ITPR2: variants seen among roughly 807,000 people sequenced by gnomAD.
The protein encoded by ITPR2 is inositol 1,4,5-trisphosphate-gated calcium channel ITPR2.
A neutral mutation model predicts 317.1 loss-of-function variants in ITPR2; 207 were observed. The observed-to-expected ratio is 0.65, with a 90% CI of 0.58 to 0.73. ITPR2 has a LOEUF of 0.73. Ranked by LOEUF, ITPR2 falls within the 30% of genes least tolerant of loss-of-function variation. The pLI, the probability that ITPR2 is intolerant of heterozygous loss-of-function variation, is 0.00. For synonymous variants in ITPR2, 1,156 were observed against 1,149.1 expected, an observed-to-expected ratio of 1.01 and a Z score of -0.12; for missense variants, 2,613 against 3,284.0, an observed-to-expected ratio of 0.80 and a Z score of 4.99.
chr12:26,801,083 C>T, intron 1 of ITPR2: 1 of 196,296 alleles, frequency 5.1e-6, no homozygotes, highest in South Asian at 1.1e-4. Context: ...ATGCTGTGGC[C>T]TAAAACGAGG....
intron 1 of ITPR2, among the ~76,000 whole-genome samples, chr12:26,817,364 C>A (rs1156677129): frequency 1.3e-5 from 2 of 152,070 alleles, no homozygotes; most frequent in African/African-American, 4.8e-5. Context: ...TGCTCAGTTT[C>A]AAAACTAATA....
In ITPR2 at chr12:26,449,059, A is replaced by G. The variant is rs190349047; in HGVS notation, c.6343-5409T>C. 4.1e-4 allele frequency among the ~76,000 whole-genome samples: 63 copies of G among 152,250 alleles called. 1 individual carries two copies. The highest frequency in any genetic ancestry group is 4.0e-3 in the East Asian group (21 of 5,188). On this transcript the variant is annotated intron_variant, in intron 45 of 56. Coordinates refer to ENST00000381340, the MANE Select transcript of ITPR2 (RefSeq NM_002223.4). ...TCTTCATTTCAGTTTGAGTCCAAGTAAGGATGGAGAAAAAAAAATCAAGAA... is the reference window on the plus strand; with the variant it reads ...TCTTCATTTCAGTTTGAGTCCAAGTGAGGATGGAGAAAAAAAAATCAAGAA...
At chr12:26,436,580 G>C (rs1018817166) in intron 47 of ITPR2, among the ~76,000 whole-genome samples, 1 of 152,308 alleles carries the variant, frequency 6.6e-6, no homozygotes, top group African/African-American at 2.4e-5. Flanking sequence ...AACTACTGTA[G>C]AAGGGTGAGG....
Position 26,419,129 on chromosome 12 carries a change from T to C in ITPR2, c.7030A>G (p.Met2344Val). 2 of 1,613,788 alleles carry C rather than the reference T, an allele frequency of 1.2e-6. No homozygotes were observed. The highest frequency in any genetic ancestry group is 1.1e-5 in the South Asian group (1 of 91,068). Reference sequence around the variant, plus strand: ...TACGCCACGTGATAGAGAAAGGCCATATCCAGGATGACTGCTCGGTACCCA... The same window carrying C: ...TACGCCACGTGATAGAGAAAGGCCACATCCAGGATGACTGCTCGGTACCCA... ...TRGYRAVILD[M>V]AFLYHVAYVL... Residue 2344 changes from methionine (M) to valine (V), a missense_variant, in exon 50 of 57, where the codon ATG becomes GTG. This residue lies in a region of ITPR2 where 78 missense variants were observed against 110.3 expected (regional missense o/e 0.71). Coordinates refer to ENST00000381340, the MANE Select transcript of ITPR2 (RefSeq NM_002223.4).
chr12:26,656,154 T>C, intron 19 of ITPR2, 143 bp downstream of exon 19: 1 of 1,056,214 alleles, frequency 9.5e-7, no homozygotes, highest in Non-Finnish European at 1.4e-6. Flanking sequence ...TCAAAACGAG[T>C]ATCTTATTTG....
At chr12:26,616,330 G>C (rs931432597) in intron 26 of ITPR2, among the ~76,000 whole-genome samples, 1 of 151,752 alleles carries the variant, frequency 6.6e-6, no homozygotes, top group Non-Finnish European at 1.5e-5. Context: ...GTAGAGATGG[G>C]GTTTCACTGT....
intron 32 of ITPR2, among the ~76,000 whole-genome samples, chr12:26,588,277 C>T (rs1207841140): frequency 6.6e-6 from 1 of 152,112 alleles, no homozygotes; most frequent in Non-Finnish European, 1.5e-5. Context: ...GAGCCTGGCA[C>T]ACTCCAATAT....
chr12:26,782,953 C>T (rs61920578), intron 2 of ITPR2, among the ~76,000 whole-genome samples: 24,646 of 152,136 alleles, frequency 0.16, 2,733 homozygotes, highest in Non-Finnish European at 0.24. Context: ...TTGACATGTT[C>T]GACTGCATAA....
chr12:26,401,337 C>A (rs541567391), intron 52 of ITPR2, among the ~76,000 whole-genome samples: 1 of 152,034 alleles, frequency 6.6e-6, no homozygotes, highest in Non-Finnish European at 1.5e-5. Flanking sequence ...TTCATTACTG[C>A]GGTTAAGTGT....
intron 46 of ITPR2, among the ~76,000 whole-genome samples, chr12:26,440,117 T>A (rs1192832758): frequency 6.6e-6 from 1 of 152,174 alleles, no homozygotes; most frequent in Non-Finnish European, 1.5e-5. Context: ...GGTCATGGAC[T>A]GTACCTCTGG....
At chr12:26,780,619 T>A (rs1047207570) in intron 2 of ITPR2, among the ~76,000 whole-genome samples, 9 of 152,010 alleles carry the variant, frequency 5.9e-5, no homozygotes, top group Non-Finnish European at 1.3e-4. Flanking sequence ...TAGGTGACGA[T>A]ACTTTGCAGG....
At chr12:26,514,952 G>T (rs1306739550) in intron 37 of ITPR2, among the ~76,000 whole-genome samples, 1 of 152,152 alleles carries the variant, frequency 6.6e-6, no homozygotes, top group South Asian at 2.1e-4. Context: ...GATCAGAATA[G>T]TATCTATGTA....
chr12:26,627,981 A>T, intron 23 of ITPR2, 52 bp downstream of exon 23: 1 of 1,476,842 alleles, frequency 6.8e-7, no homozygotes, highest in Non-Finnish European at 9.2e-7. Flanking sequence ...AGGTACTTTC[A>T]AGTTCTCAGA....
At position 26,487,013 on chromosome 12, in the gene ITPR2, C is replaced by T. The variant is rs1942685621; in HGVS notation, c.5554+55G>A. On this transcript the variant is annotated intron_variant, in intron 40 of 56. Transcript: ENST00000381340. ...GAAAAATGTTAATGAGATTTAAACG[C>T]TATTCCCCTCTTTTCTCTCACTCTG... 4.2e-6 allele frequency: 6 copies of T among 1,430,432 alleles called. No individual in the cohort carries two copies. In the Admixed American group the frequency reaches 5.0e-5, roughly 12 times the overall value. 88.6% of individuals were successfully genotyped at this position (1,430,432 alleles called of 1,614,324 possible). A position where few individuals can be genotyped will look rare whatever the true frequency, so the allele number is the denominator to read the frequency against.
chr12:26,566,543 G>A (rs1012515870), intron 34 of ITPR2, among the ~76,000 whole-genome samples: 1 of 149,568 alleles, frequency 6.7e-6, no homozygotes, highest in African/African-American at 2.5e-5. Context: ...AAGAAGAGAG[G>A]AGAAGGATAA....
At chr12:26,529,291 C>G (rs1943891413) in intron 37 of ITPR2, among the ~76,000 whole-genome samples, 1 of 152,220 alleles carries the variant, frequency 6.6e-6, no homozygotes, top group African/African-American at 2.4e-5. Flanking sequence ...GATCCAGCCC[C>G]TTCTCCCACT....
intron 54 of ITPR2, among the ~76,000 whole-genome samples, chr12:26,398,450 A>G (rs976029046): frequency 5.9e-5 from 9 of 152,202 alleles, no homozygotes; most frequent in Admixed American, 2.6e-4. Context: ...AACAGAGAGA[A>G]GGCTCAGTTC....
intron 55 of ITPR2, among the ~76,000 whole-genome samples, chr12:26,386,803 A>T (rs1939679321): frequency 6.6e-6 from 1 of 152,192 alleles, no homozygotes; most frequent in Non-Finnish European, 1.5e-5. Flanking sequence ...CTTTCGGGCC[A>T]ATTTGTTTTA....
At chr12:26,729,943 A>G (rs1016539063) in intron 2 of ITPR2, among the ~76,000 whole-genome samples, 1 of 152,094 alleles carries the variant, frequency 6.6e-6, no homozygotes, top group African/African-American at 2.4e-5. Flanking sequence ...TGCACTTGTA[A>G]CCCTGAAGTT....
Sources: allele counts gnomAD v4.1 joint callset (sites outside exome capture counted in the v4.1 genomes callset), GRCh38; gene constraint gnomAD v4.1.1; regional missense constraint gnomAD v4.1.1; transcripts MANE v1.5; gene names NCBI Gene and HGNC (gene_info 2026-07-23, HGNC 2026-07-21).